Variants in ANO4 observed in about 807,000 individuals in gnomAD.
ANO4 encodes the protein anoctamin-4.
A neutral mutation model predicts 141.9 loss-of-function variants in ANO4; 69 were observed. The ratio of observed to expected loss-of-function variants is 0.49; its 90% CI spans 0.40 to 0.59. The LOEUF is 0.59. ANO4 is among the 20% of genes least tolerant of loss of function. The pLI is 0.00. For missense variants in ANO4, 894 were observed against 1,162.2 expected, an observed-to-expected ratio of 0.77 and a Z score of 3.36; for synonymous variants, 350 against 394.3, an observed-to-expected ratio of 0.89 and a Z score of 1.33.
At chr12:100,748,467 TAGTTC>T (rs2032214697) in intron 3 of ANO4, among the ~76,000 whole-genome samples, 1 of 152,172 alleles carries the variant, frequency 6.6e-6, no homozygotes, top group Non-Finnish European at 1.5e-5. Context: ...GCTAGAGTGT[TAGTTC>T]AGCTAAATCT....
At chr12:100,856,363 A>G (rs925713) in intron 1 of ANO4, among the ~76,000 whole-genome samples, 29,638 of 152,156 alleles carry the variant, frequency 0.19, 3,392 homozygotes, top group Middle Eastern at 0.35. Flanking sequence ...CCAAGTTTAC[A>G]CTAGGAGTGT....
chr12:100,813,112 C>A (rs545108162), intron 1 of ANO4, among the ~76,000 whole-genome samples: 3 of 152,156 alleles, frequency 2.0e-5, no homozygotes, highest in Admixed American at 6.5e-5. Flanking sequence ...AGAGACCTGG[C>A]GTCCTAGCAG....
chr12:100,920,106 G>T (rs1266364351), intron 2 of ANO4, among the ~76,000 whole-genome samples: 1 of 151,964 alleles, frequency 6.6e-6, no homozygotes, highest in Non-Finnish European at 1.5e-5. Context: ...GAAGTCACTT[G>T]TTTTTTAGCT....
intron 1 of ANO4, among the ~76,000 whole-genome samples, chr12:100,854,271 A>G (rs1315052734): frequency 3.3e-5 from 5 of 152,132 alleles, no homozygotes; most frequent in African/African-American, 9.7e-5. Context: ...AAGTCTGTCA[A>G]TGTAATTATG....
intron 5 of ANO4, among the ~76,000 whole-genome samples, 167 bp downstream of exon 5, chr12:100,942,702 C>T (rs1367717878): frequency 1.3e-5 from 2 of 152,184 alleles, no homozygotes; most frequent in African/African-American, 4.8e-5. Flanking sequence ...TTTGACAGCA[C>T]AGTTTGCTTT....
chr12:101,092,432 TAGC>T (rs1277111531), intron 17 of ANO4, among the ~76,000 whole-genome samples: 1 of 152,192 alleles, frequency 6.6e-6, no homozygotes, highest in Admixed American at 6.5e-5. Flanking sequence ...CCACTGCTCT[TAGC>T]AGAACAAACT....
intron 14 of ANO4, among the ~76,000 whole-genome samples, chr12:101,066,239 A>G (rs914064299): frequency 7.9e-5 from 12 of 152,236 alleles, no homozygotes; most frequent in Admixed American, 5.2e-4. Flanking sequence ...GTTATTCAAC[A>G]TAGTACTGGA....
At position 101,096,662 on chromosome 12, in the gene ANO4, C is replaced by A. The variant is rs2049996028; in HGVS notation, c.1850+15C>A. On this transcript the variant is annotated intron_variant, in intron 19 of 27. Coordinates refer to ENST00000392977, the MANE Select transcript of ANO4 (RefSeq NM_001286615.2). ...TTCCTCGGAAGGTAAGAACCTGACC[C>A]CTGCACACCTCCCCAAGCTGAGGAC... The A allele has an allele frequency of 1.9e-6, 3 of 1,582,444 alleles. No homozygotes were observed. The Admixed American group carries it at 5.0e-5, about 26-fold the overall frequency.
intron 9 of ANO4, among the ~76,000 whole-genome samples, chr12:101,035,542 C>T (rs1330398222): frequency 6.6e-6 from 1 of 152,160 alleles, no homozygotes; most frequent in African/African-American, 2.4e-5. Context: ...CTCAGTAAAG[C>T]TGTTTTTAAA....
chr12:100,932,304 G>C (rs1228585526), intron 3 of ANO4, among the ~76,000 whole-genome samples: 1 of 151,630 alleles, frequency 6.6e-6, no homozygotes, highest in African/African-American at 2.4e-5. Flanking sequence ...CAAAGTCTTT[G>C]ATTTTTTTGA....
chr12:101,025,230 C>G (rs1347983788), intron 9 of ANO4, among the ~76,000 whole-genome samples: 1 of 152,162 alleles, frequency 6.6e-6, no homozygotes, highest in African/African-American at 2.4e-5. Flanking sequence ...GAATATTGGG[C>G]AACCCAAAAC....
At position 100,841,257 on chromosome 12, in the gene ANO4, C is replaced by T. The variant is rs138896292; in HGVS notation, c.-141+46230C>T. 2.4e-3 allele frequency among the ~76,000 whole-genome samples: 373 copies of T among 152,276 alleles called. 2 individuals are homozygous for T. The highest frequency in any genetic ancestry group is 0.018 in the East Asian group (93 of 5,174). ...ATGCTACCACCTATTTTTATTGGCT[C>T]ATACAAATCTTGTCATCATTTGATA... On this transcript the variant is annotated intron_variant, in intron 1 of 27. Transcript: ENST00000392977.
At chr12:101,126,496 C>T (rs995065378) in intron 26 of ANO4, among the ~76,000 whole-genome samples, 1 of 152,048 alleles carries the variant, frequency 6.6e-6, no homozygotes, top group Non-Finnish European at 1.5e-5. Context: ...ACAATACTCA[C>T]TTTATAGATG....
chr12:101,116,391 C>T (rs2050852068), intron 24 of ANO4, among the ~76,000 whole-genome samples: 1 of 152,114 alleles, frequency 6.6e-6, no homozygotes, highest in African/African-American at 2.4e-5. Context: ...AATTTATGCC[C>T]ATCATGTAAT....
intron 9 of ANO4, among the ~76,000 whole-genome samples, chr12:101,022,057 A>C (rs567970654): frequency 5.4e-5 from 8 of 149,046 alleles, no homozygotes; most frequent in East Asian, 3.9e-4. Context: ...AAAAAAAAAA[A>C]AAACACCTAC....
At chr12:101,107,057 T>G (rs1170893033) in intron 22 of ANO4, among the ~76,000 whole-genome samples, 1 of 152,184 alleles carries the variant, frequency 6.6e-6, no homozygotes, top group African/African-American at 2.4e-5. Flanking sequence ...TACCAATGAA[T>G]TAAACACATT....
At chr12:100,922,204 T>C (rs1323658273) in intron 2 of ANO4, 22 bp from the exon 3 acceptor site, 11 of 1,511,118 alleles carry the variant, frequency 7.3e-6, no homozygotes, top group Non-Finnish European at 9.7e-6. Flanking sequence ...GCAAACTCCA[T>C]GAATATCTTT....
chr12:100,898,591 A>G (rs1593681775), intron 1 of ANO4, among the ~76,000 whole-genome samples: 1 of 152,142 alleles, frequency 6.6e-6, no homozygotes, highest in East Asian at 1.9e-4. Context: ...TATGATCTAC[A>G]TTATTATATT....
intron 3 of ANO4, among the ~76,000 whole-genome samples, chr12:100,933,990 G>T (rs1242925775): frequency 6.6e-6 from 1 of 152,114 alleles, no homozygotes; most frequent in African/African-American, 2.4e-5. Flanking sequence ...CTAGATTCTG[G>T]TTATTAGCCC....
Sources: allele counts gnomAD v4.1 joint callset (sites outside exome capture counted in the v4.1 genomes callset), GRCh38; gene constraint gnomAD v4.1.1; transcripts MANE v1.5; gene names NCBI Gene and HGNC (gene_info 2026-07-23, HGNC 2026-07-21).